Variants in ASPRV1 observed in about 807,000 individuals in gnomAD.
ASPRV1 encodes the protein retroviral-like aspartic protease 1.
Under a neutral mutation model 11.0 loss-of-function variants are expected in ASPRV1, and 7 were observed. That is an observed-to-expected ratio of 0.64 (90% CI 0.36 to 1.20). The LOEUF (loss-of-function observed/expected upper bound fraction) is 1.20, where lower values mean the gene tolerates loss of function less well. ASPRV1 is among the 50% of genes most tolerant of loss of function. The pLI is 0.02. For synonymous variants in ASPRV1, 136 were observed against 138.4 expected (o/e 0.98, Z 0.12); for missense variants, 299 against 320.0 (o/e 0.93, Z 0.50).
At chr2:69,941,315 G>A in the ASPRV1 span, 2 of 152,240 alleles carry the variant, frequency 1.3e-5, no homozygotes, top group Non-Finnish European at 2.9e-5. Flanking sequence ...TTGAATGGTG[G>A]GCCGAGCACC....
chr2:70,022,721 G>GT, the ASPRV1 span, among the ~76,000 whole-genome samples: 4 of 152,008 alleles, frequency 2.6e-5, no homozygotes, highest in South Asian at 8.3e-4. Context: ...ATTTTTGGAG[G>GT]TAATGGATAA....
the ASPRV1 span, among the ~76,000 whole-genome samples, chr2:69,976,956 C>A: frequency 6.6e-6 from 1 of 152,114 alleles, no homozygotes; most frequent in African/African-American, 2.4e-5. Context: ...CTTTGGGAAG[C>A]CGCGGCAGGT....
the ASPRV1 span, among the ~76,000 whole-genome samples, chr2:70,061,409 A>C: frequency 1.3e-5 from 2 of 151,390 alleles, no homozygotes; most frequent in Non-Finnish European, 2.9e-5. Context: ...AAAAAAAAAA[A>C]CAAAAAAAAA....
chr2:69,960,812 T>C lies in ASPRV1; in HGVS notation c.625A>G (p.Asn209Asp). Residue 209 changes from asparagine (N) to aspartate (D), a missense_variant, in exon 1 of 1, where the codon AAT becomes GAT. Coordinates refer to ENST00000320256, the MANE Select transcript of ASPRV1 (RefSeq NM_152792.4). ...CGGTGCTCAAAGTCCAGGATAGCAT[T>C]GTGGTCCTGGAGCACATCAGTGCCA... Reference protein sequence around the residue: ...IIGTDVLQDHNAILDFEHRTC... With the variant: ...IIGTDVLQDHDAILDFEHRTC... 2.5e-6 allele frequency: 4 copies of C among 1,614,120 alleles called. No individual in the cohort carries two copies. The highest frequency in any genetic ancestry group is 1.7e-6 in the Non-Finnish European group (2 of 1,180,024).
At chr2:70,007,213 G>T in the ASPRV1 span, among the ~76,000 whole-genome samples, 1 of 152,190 alleles carries the variant, frequency 6.6e-6, no homozygotes, top group Non-Finnish European at 1.5e-5. Flanking sequence ...TGAAAGAAAT[G>T]AAGTAGAACG....
chr2:69,948,514 G>C, the ASPRV1 span, among the ~76,000 whole-genome samples: 2 of 152,226 alleles, frequency 1.3e-5, no homozygotes, highest in African/African-American at 4.8e-5. Context: ...AAAAGTGCTT[G>C]ACAGGCCGCA....
At chr2:70,006,361 G>A in the ASPRV1 span, among the ~76,000 whole-genome samples, 14 of 152,170 alleles carry the variant, frequency 9.2e-5, no homozygotes, top group Non-Finnish European at 1.8e-4. Flanking sequence ...GTTAGGTGTA[G>A]GAGCTGCAAA....
the ASPRV1 span, among the ~76,000 whole-genome samples, chr2:70,018,767 A>G: frequency 6.6e-6 from 1 of 152,232 alleles, no homozygotes; most frequent in African/African-American, 2.4e-5. Flanking sequence ...ATATACAAAA[A>G]TCAAATAAAA....
chr2:70,003,978 G>A, the ASPRV1 span, among the ~76,000 whole-genome samples: 1 of 152,160 alleles, frequency 6.6e-6, no homozygotes, highest in Non-Finnish European at 1.5e-5. Flanking sequence ...ACTGTAGGAA[G>A]TAAATCTCTG....
the ASPRV1 span, among the ~76,000 whole-genome samples, chr2:70,064,852 G>C: frequency 6.6e-6 from 1 of 152,146 alleles, no homozygotes; most frequent in Non-Finnish European, 1.5e-5. Context: ...CCAGCACTTT[G>C]GGAGGCCAAG....
the ASPRV1 span, chr2:70,085,573 C>T: frequency 5.9e-5 from 9 of 152,170 alleles, no homozygotes; most frequent in African/African-American, 2.2e-4. Flanking sequence ...AGGTCCATCC[C>T]CGACATTGTG....
chr2:69,940,165 T>C, the ASPRV1 span: 1 of 149,966 alleles, frequency 6.7e-6, no homozygotes, highest in African/African-American at 2.5e-5. Context: ...TTTTTTTTTT[T>C]AATTTTTGGA....
At chr2:69,980,988 C>T in the ASPRV1 span, among the ~76,000 whole-genome samples, 1 of 152,148 alleles carries the variant, frequency 6.6e-6, no homozygotes, top group Non-Finnish European at 1.5e-5. Context: ...TTTGGCCAGG[C>T]TGATCTCAAA....
At chr2:69,987,165 T>A in the ASPRV1 span, among the ~76,000 whole-genome samples, 1 of 151,872 alleles carries the variant, frequency 6.6e-6, no homozygotes, top group Admixed American at 6.6e-5. Flanking sequence ...GGGGAAGGCA[T>A]TGGGAGGAGG....
chr2:70,013,839 C>T, the ASPRV1 span, among the ~76,000 whole-genome samples: 2 of 152,182 alleles, frequency 1.3e-5, no homozygotes, highest in Non-Finnish European at 2.9e-5. Context: ...TGCAATCGCA[C>T]CACTGCACTC....
At chr2:70,070,111 A>C in the ASPRV1 span, among the ~76,000 whole-genome samples, 1 of 148,272 alleles carries the variant, frequency 6.7e-6, no homozygotes, top group Non-Finnish European at 1.5e-5. Flanking sequence ...CCCAGGAGGC[A>C]GAAGTTGCAG....
the ASPRV1 span, among the ~76,000 whole-genome samples, chr2:69,953,986 G>A: frequency 6.6e-6 from 1 of 151,858 alleles, no homozygotes; most frequent in Admixed American, 6.6e-5. Flanking sequence ...CCAAAGTGTT[G>A]GGATTACAGG....
At chr2:70,006,310 G>A in the ASPRV1 span, among the ~76,000 whole-genome samples, 3 of 152,202 alleles carry the variant, frequency 2.0e-5, no homozygotes, top group Non-Finnish European at 4.4e-5. Flanking sequence ...AAAGGTCTGG[G>A]AGGACCAAGG....
the ASPRV1 span, among the ~76,000 whole-genome samples, chr2:70,025,961 A>C: frequency 6.6e-6 from 1 of 152,220 alleles, no homozygotes; most frequent in Non-Finnish European, 1.5e-5. Flanking sequence ...CTAGCATCAG[A>C]GAACTAAAAA....
Sources: gnomAD v4.1 joint callset for allele counts (sites outside exome capture counted in the v4.1 genomes callset) on GRCh38, gnomAD v4.1.1 for gene constraint, MANE v1.5 for transcripts, NCBI Gene and HGNC (gene_info 2026-07-23, HGNC 2026-07-21) for gene names.